The following UTRN variants were observed in gnomAD, a reference collection of about 807,000 sequenced individuals.
UTRN encodes dystrophin-related protein 1.
In UTRN, 283 loss-of-function variants were observed where a neutral mutation model predicts 463.9. That is an observed-to-expected ratio of 0.61 (90% CI 0.55 to 0.67). The LOEUF (loss-of-function observed/expected upper bound fraction) is 0.67. Ranked by LOEUF, UTRN falls within the 30% of genes least tolerant of loss-of-function variation. The pLI is 0.00. For synonymous variants in UTRN, 1,442 were observed against 1,431.5 expected (o/e 1.01, Z -0.17); for missense variants, 3,922 against 4,084.3 (o/e 0.96, Z 1.08).
intron 48 of UTRN, among the ~76,000 whole-genome samples, chr6:144,551,928 A>G (rs1798955709): frequency 6.6e-6 from 1 of 151,976 alleles, no homozygotes; most frequent in East Asian, 1.9e-4. Context: ...CCTTTGTGAC[A>G]TCTTTCCCTC....
chr6:144,323,782 G>A (rs1775811209), intron 2 of UTRN, among the ~76,000 whole-genome samples: 1 of 152,094 alleles, frequency 6.6e-6, no homozygotes, highest in South Asian at 2.1e-4. Context: ...GGCTGTATGT[G>A]TCCTTTTAAA....
chr6:144,368,605 C>T (rs1353876547), intron 2 of UTRN, among the ~76,000 whole-genome samples: 1 of 151,916 alleles, frequency 6.6e-6, no homozygotes, highest in Admixed American at 6.6e-5. Context: ...AACCCCATCT[C>T]TACTTTAAAA....
chr6:144,509,308 G>A (rs921272878), intron 34 of UTRN, among the ~76,000 whole-genome samples: 1 of 151,410 alleles, frequency 6.6e-6, no homozygotes, highest in African/African-American at 2.4e-5. Context: ...ATACTTTTCG[G>A]TTTTTTTACA....
intron 51 of UTRN, among the ~76,000 whole-genome samples, chr6:144,645,808 G>A (rs981122962): frequency 2.0e-5 from 3 of 152,114 alleles, no homozygotes; most frequent in Non-Finnish European, 4.4e-5. Flanking sequence ...TCTGACTCTG[G>A]CAAAAAGTGG....
intron 57 of UTRN, 70 bp from the exon 58 acceptor site, chr6:144,757,859 G>A: frequency 7.2e-7 from 1 of 1,395,806 alleles, no homozygotes; most frequent in Admixed American, 2.0e-5. Context: ...AAAATGTTCA[G>A]TTGTTTTGCA....
chr6:144,479,016 T>A (rs981193410), intron 25 of UTRN, among the ~76,000 whole-genome samples: 1 of 152,172 alleles, frequency 6.6e-6, no homozygotes, highest in Admixed American at 6.5e-5. Flanking sequence ...TTATGACATC[T>A]TTAATAGCAG....
chr6:144,562,565 C>T lies in UTRN; in HGVS notation c.7289+5254C>T, dbSNP rs189067579. 6.6e-4 allele frequency among the ~76,000 whole-genome samples: 101 copies of T among 152,132 alleles called. 1 individual carries two copies. Among genetic ancestry groups the T allele is most frequent in the Admixed American group, 4.5e-3 (68 of 15,266 alleles). ...CTTTTTATGGCTGCATAATATTCCT[C>T]GGTATATAGGTACCACATTTTCTTT... On this transcript the variant is annotated intron_variant, in intron 50 of 74. Transcript: ENST00000367545.
chr6:144,470,896 C>T lies in UTRN; in HGVS notation c.3067-2824C>T, dbSNP rs935979385. Among the ~76,000 whole-genome samples, 11 of 151,774 alleles carry T rather than the reference C, an allele frequency of 7.2e-5. No homozygotes were observed. In the East Asian group the frequency reaches 1.6e-3, roughly 21 times the overall value. ...CAAAAACCAGTCAGGCGTGGCGGCGCGCACCTGCGATCCCAGGCACTCGGC... is the reference window on the plus strand; with the variant it reads ...CAAAAACCAGTCAGGCGTGGCGGCGTGCACCTGCGATCCCAGGCACTCGGC... On this transcript the variant is annotated intron_variant, in intron 23 of 74. Transcript: ENST00000367545.
chr6:144,554,685 C>T lies in UTRN; in HGVS notation c.6929-3C>T, dbSNP rs1337177397. Reference sequence around the variant, plus strand: ...TTTTTTTCTTTTATAATGCTACCCTCAGTGGAAAGGGTCAAGAACCAGTGG... The same window carrying T: ...TTTTTTTCTTTTATAATGCTACCCTTAGTGGAAAGGGTCAAGAACCAGTGG... On this transcript the variant is annotated splice_region_variant and splice_polypyrimidine_tract_variant and intron_variant, in intron 48 of 74. Coordinates refer to ENST00000367545, the MANE Select transcript of UTRN (RefSeq NM_007124.3). The T allele has an allele frequency of 6.2e-7, 1 of 1,613,592 alleles. No individual in the cohort carries two copies. The highest frequency in any genetic ancestry group is 1.1e-5 in the South Asian group (1 of 91,026).
At position 144,448,689 on chromosome 6, in the gene UTRN, A is replaced by C. The variant is rs775349377; in HGVS notation, c.1992A>C (p.Thr664=). 2.5e-6 allele frequency: 4 copies of C among 1,613,994 alleles called. No homozygotes were observed. The South Asian group carries it at 4.4e-5, about 18-fold the overall frequency. Residue 664 remains threonine (T), a synonymous_variant, in exon 17 of 75, where the codon ACA becomes ACC. Transcript: ENST00000367545. ...ETVRVREQAI[T]KKSKQELPPP... ...TTCGTGTAAGAGAACAAGCAATTACAAAAAAATCTAAGCAGGAACTGCCTC... is the reference window on the plus strand; with the variant it reads ...TTCGTGTAAGAGAACAAGCAATTACCAAAAAATCTAAGCAGGAACTGCCTC...
intron 51 of UTRN, among the ~76,000 whole-genome samples, chr6:144,676,999 A>C (rs1781680938): frequency 6.6e-6 from 1 of 152,224 alleles, no homozygotes; most frequent in African/African-American, 2.4e-5. Flanking sequence ...GATTTCAAAA[A>C]TTGCTAATTG....
intron 2 of UTRN, among the ~76,000 whole-genome samples, chr6:144,351,663 C>T (rs1384540935): frequency 6.6e-6 from 1 of 152,192 alleles, no homozygotes; most frequent in African/African-American, 2.4e-5. Flanking sequence ...GTGCTCTTTG[C>T]CTTTGATGCC....
At chr6:144,688,441 C>T (rs1393459569) in intron 52 of UTRN, among the ~76,000 whole-genome samples, 1 of 152,106 alleles carries the variant, frequency 6.6e-6, no homozygotes, top group African/African-American at 2.4e-5. Context: ...TTAAAGAACC[C>T]TGTTTGGTCA....
At chr6:144,296,143 A>C (rs1013015464) in intron 2 of UTRN, among the ~76,000 whole-genome samples, 1 of 152,150 alleles carries the variant, frequency 6.6e-6, no homozygotes, top group Non-Finnish European at 1.5e-5. Context: ...CCCAACTCCC[A>C]GGGCCTGGAC....
chr6:144,754,885 T>C, intron 57 of UTRN, 87 bp downstream of exon 57: 5 of 1,285,964 alleles, frequency 3.9e-6, no homozygotes, highest in Non-Finnish European at 5.5e-6. Context: ...TATTCCTTGC[T>C]ATAAATATGT....
intron 5 of UTRN, 131 bp downstream of exon 5, chr6:144,423,757 C>G: frequency 1.8e-6 from 2 of 1,136,936 alleles, no homozygotes; most frequent in Non-Finnish European, 2.6e-6. Flanking sequence ...AAATACTGAA[C>G]TTTTTCTGTG....
chr6:144,366,642 T>G (rs1189788181), intron 2 of UTRN, among the ~76,000 whole-genome samples: 1 of 152,208 alleles, frequency 6.6e-6, no homozygotes, highest in Non-Finnish European at 1.5e-5. Flanking sequence ...CTTTATCCAG[T>G]CTACCATTGA....
At chr6:144,714,950 T>C (rs2128705556) in intron 53 of UTRN, among the ~76,000 whole-genome samples, 1 of 151,284 alleles carries the variant, frequency 6.6e-6, no homozygotes, top group Non-Finnish European at 1.5e-5. Context: ...TTTCTCAGTT[T>C]CCCTTCCTGG....
intron 53 of UTRN, among the ~76,000 whole-genome samples, chr6:144,713,851 A>T: frequency 7.1e-6 from 1 of 141,694 alleles, no homozygotes; most frequent in Non-Finnish European, 1.5e-5. Context: ...ACCCGGGAGG[A>T]GGAGGTTGCG....
Sources: gnomAD v4.1 joint callset for allele counts (sites outside exome capture counted in the v4.1 genomes callset) on GRCh38, gnomAD v4.1.1 for gene constraint, MANE v1.5 for transcripts, NCBI Gene and HGNC (gene_info 2026-07-23, HGNC 2026-07-21) for gene names.